PLCB4: variants seen among roughly 807,000 people sequenced by gnomAD.
PLCB4 encodes the protein phospholipase C beta 4, also known as 1-phosphatidylinositol 4,5-bisphosphate phosphodiesterase beta-4.
In PLCB4, 77 loss-of-function variants were observed where a neutral mutation model predicts 178.8. The ratio of observed to expected loss-of-function variants is 0.43; its 90% CI spans 0.36 to 0.52. PLCB4 has a LOEUF of 0.52. Ranked by LOEUF, PLCB4 falls within the 20% of genes least tolerant of loss-of-function variation. The pLI, the probability that PLCB4 is intolerant of heterozygous loss-of-function variation, is 0.00. For missense variants in PLCB4, 1,024 were observed against 1,453.4 expected, an observed-to-expected ratio of 0.70 and a Z score of 4.80; for synonymous variants, 496 against 490.8, an observed-to-expected ratio of 1.01 and a Z score of -0.14.
chr20:9,198,007 A>G (rs34723034), intron 2 of PLCB4, among the ~76,000 whole-genome samples: 1 of 152,054 alleles, frequency 6.6e-6, no homozygotes, highest in Admixed American at 6.6e-5. Context: ...AAAAAAAAAA[A>G]CAAAATCTTA....
intron 7 of PLCB4, among the ~76,000 whole-genome samples, chr20:9,353,026 C>T (rs1042337325): frequency 6.6e-6 from 1 of 152,126 alleles, no homozygotes. Context: ...CTCTCTTTTT[C>T]CCCCTTTCAA....
At chr20:9,083,630 A>C (rs1038408737) in intron 1 of PLCB4, among the ~76,000 whole-genome samples, 6 of 152,130 alleles carry the variant, frequency 3.9e-5, no homozygotes, top group African/African-American at 1.4e-4. Context: ...AGGTATAATT[A>C]CGACCATTCG....
chr20:9,307,494 T>TATACAC lies in PLCB4; in HGVS notation c.-15-305_-15-304insTACACA, dbSNP rs1396442853. On this transcript the variant is annotated intron_variant, in intron 3 of 39. Transcript: ENST00000378473. Reference sequence around the variant, plus strand: ...GTGCCTTCAGATTTTAAAAAAAGAATACACACACACACACACACACACACA... The same window carrying TATACAC: ...GTGCCTTCAGATTTTAAAAAAAGAATATACACACACACACACACACACACACACACA... 8.5e-3 allele frequency among the ~76,000 whole-genome samples: 1,176 copies of TATACAC among 138,130 alleles called. 10 individuals are homozygous for TATACAC. The highest frequency in any genetic ancestry group is 0.02 in the East Asian group (91 of 4,516). 90.6% of individuals were successfully genotyped at this position (138,130 alleles called of 152,430 possible).
At chr20:9,239,998 T>C (rs571829076) in intron 3 of PLCB4, among the ~76,000 whole-genome samples, 2 of 152,270 alleles carry the variant, frequency 1.3e-5, no homozygotes, top group African/African-American at 2.4e-5. Context: ...TGGCAGCTGA[T>C]TAGATGGTGC....
At chr20:9,388,558 A>T (rs993712360) in intron 15 of PLCB4, among the ~76,000 whole-genome samples, 9 of 152,170 alleles carry the variant, frequency 5.9e-5, no homozygotes, top group Non-Finnish European at 1.2e-4. Context: ...GTCTGTACTA[A>T]AAATACAAAA....
At chr20:9,193,051 G>A (rs2093425440) in intron 2 of PLCB4, among the ~76,000 whole-genome samples, 1 of 152,150 alleles carries the variant, frequency 6.6e-6, no homozygotes, top group African/African-American at 2.4e-5. Context: ...GCATTGCCAA[G>A]GTGAAAGTTA....
At chr20:9,311,346 A>T (rs555216438) in intron 4 of PLCB4, among the ~76,000 whole-genome samples, 2 of 152,292 alleles carry the variant, frequency 1.3e-5, no homozygotes, top group African/African-American at 2.4e-5. Context: ...AAATACAAGG[A>T]TGTTGTATAA....
At chr20:9,354,306 C>T (rs2034594161) in intron 7 of PLCB4, among the ~76,000 whole-genome samples, 1 of 152,194 alleles carries the variant, frequency 6.6e-6, no homozygotes, top group Admixed American at 6.5e-5. Context: ...GCTTAAAGAT[C>T]AATCATTATA....
intron 12 of PLCB4, among the ~76,000 whole-genome samples, chr20:9,374,926 T>G (rs2036546092): frequency 6.6e-6 from 1 of 151,062 alleles, no homozygotes; most frequent in Non-Finnish European, 1.5e-5. Context: ...AATAGTATTC[T>G]TTTTTTTAAT....
At chr20:9,276,570 A>G (rs1186865906) in intron 3 of PLCB4, among the ~76,000 whole-genome samples, 3 of 151,926 alleles carry the variant, frequency 2.0e-5, no homozygotes, top group Admixed American at 6.6e-5. Context: ...TTCATTTGCA[A>G]AGCAGTGAAT....
intron 3 of PLCB4, among the ~76,000 whole-genome samples, chr20:9,256,722 G>A (rs946445605): frequency 1.2e-4 from 19 of 152,284 alleles, no homozygotes; most frequent in African/African-American, 3.1e-4. Flanking sequence ...TTAGCAGCTT[G>A]TTTTCCATCT....
At chr20:9,455,901 T>C (rs1224792422) in intron 33 of PLCB4, among the ~76,000 whole-genome samples, 3 of 152,320 alleles carry the variant, frequency 2.0e-5, no homozygotes, top group Non-Finnish European at 4.4e-5. Flanking sequence ...AGTAGCACAA[T>C]CTTGGCCCAA....
chr20:9,401,419 A>G, intron 19 of PLCB4, 71 bp from the exon 20 acceptor site: 1 of 1,011,860 alleles, frequency 9.9e-7, no homozygotes, highest in Admixed American at 1.8e-5. Flanking sequence ...GTTCTACCCA[A>G]GATTGTGAAC....
chr20:9,213,346 T>C (rs928996432), intron 2 of PLCB4, among the ~76,000 whole-genome samples: 3 of 141,212 alleles, frequency 2.1e-5, no homozygotes, highest in Non-Finnish European at 4.4e-5. Flanking sequence ...GATTTCACTA[T>C]GTTGGCTAGG....
intron 2 of PLCB4, among the ~76,000 whole-genome samples, chr20:9,214,560 G>GACACAC (rs11474652): frequency 0.053 from 7,765 of 145,504 alleles, 400 homozygotes; most frequent in African/African-American, 0.13. Context: ...AAACACCCCA[G>GACACAC]ACACACACAC....
At chr20:9,080,833 T>G (rs2090108006) in intron 1 of PLCB4, among the ~76,000 whole-genome samples, 2 of 152,334 alleles carry the variant, frequency 1.3e-5, no homozygotes, top group South Asian at 4.1e-4. Flanking sequence ...GACTTTCAAA[T>G]CAAAGTGTAC....
chr20:9,285,513 A>G (rs2094529510), intron 3 of PLCB4, among the ~76,000 whole-genome samples: 1 of 151,954 alleles, frequency 6.6e-6, no homozygotes, highest in South Asian at 2.1e-4. Context: ...CTTTTATGAT[A>G]AATTGATATG....
intron 2 of PLCB4, among the ~76,000 whole-genome samples, chr20:9,115,986 A>C: frequency 6.6e-6 from 1 of 152,100 alleles, no homozygotes; most frequent in African/African-American, 2.4e-5. Flanking sequence ...TTATAATTTT[A>C]GTACTTTAAC....
chr20:9,283,169 T>C (rs891594752), intron 3 of PLCB4, among the ~76,000 whole-genome samples: 5 of 151,958 alleles, frequency 3.3e-5, no homozygotes, highest in Non-Finnish European at 5.9e-5. Flanking sequence ...GGACACACTT[T>C]ATCTTCAGGC....
Sources: allele counts gnomAD v4.1 joint callset (sites outside exome capture counted in the v4.1 genomes callset), GRCh38; gene constraint gnomAD v4.1.1; transcripts MANE v1.5; gene names NCBI Gene and HGNC (gene_info 2026-07-23, HGNC 2026-07-21).